The following SLCO1C1 variants were observed in gnomAD, a reference collection of about 807,000 sequenced individuals.
SLCO1C1 encodes the protein OAT-RP-5.
Under a neutral mutation model 76.4 loss-of-function variants are expected in SLCO1C1, and 70 were observed. The ratio of observed to expected loss-of-function variants is 0.92; its 90% CI spans 0.76 to 1.12. The LOEUF is 1.12. Ranked by LOEUF, SLCO1C1 falls within the 50% of genes most tolerant of loss-of-function variation. The pLI is 0.00. For missense variants in SLCO1C1, 912 were observed against 823.8 expected, an observed-to-expected ratio of 1.11 and a Z score of -1.31; for synonymous variants, 306 against 286.1, an observed-to-expected ratio of 1.07 and a Z score of -0.70.
intron 13 of SLCO1C1, among the ~76,000 whole-genome samples, chr12:20,747,163 G>A (rs1949083587): frequency 6.6e-6 from 1 of 152,172 alleles, no homozygotes. Flanking sequence ...ATTTGCTCAT[G>A]CCTATAATCC....
chr12:20,722,091 T>C (rs1159642946), intron 8 of SLCO1C1, 42 bp downstream of exon 8: 1 of 1,588,492 alleles, frequency 6.3e-7, no homozygotes, highest in African/African-American at 1.4e-5. Context: ...CATTTTTCTG[T>C]TGGGGCTTAA....
intron 11 of SLCO1C1, among the ~76,000 whole-genome samples, chr12:20,739,180 CTA>C (rs1204808139): frequency 1.3e-5 from 2 of 152,142 alleles, no homozygotes; most frequent in Non-Finnish European, 2.9e-5. Flanking sequence ...ATTTACTTAA[CTA>C]AGTTTTATCA....
At chr12:20,726,612 G>A (rs940475360) in intron 9 of SLCO1C1, among the ~76,000 whole-genome samples, 2 of 151,974 alleles carry the variant, frequency 1.3e-5, no homozygotes, top group Admixed American at 6.6e-5. Context: ...TAAAGTTTGT[G>A]GAATTTTAAA....
intron 6 of SLCO1C1, among the ~76,000 whole-genome samples, chr12:20,716,865 T>C (rs1947383444): frequency 6.6e-6 from 1 of 152,224 alleles, no homozygotes; most frequent in Admixed American, 6.5e-5. Context: ...GTTTTTTCCA[T>C]TTTGGAAAAT....
chr12:20,737,125 T>C lies in SLCO1C1; in HGVS notation c.1401T>C (p.Tyr467=). The C allele has an allele frequency of 6.5e-7, 1 of 1,534,130 alleles. No individual in the cohort carries two copies. The highest frequency in any genetic ancestry group is 8.7e-7 in the Non-Finnish European group (1 of 1,149,074). The part of the protein sequence containing the change: ...VSYQGTKPVS[Y]HERALFSDCN... ...TTTTCAGAACCAAACCTGTCTCTTA[T>C]CATGAACGAGCTCTCTTTTCAGATT... The change falls in exon 11 of 15, where the codon TAT becomes TAC. Residue 467 remains tyrosine, a synonymous_variant. Transcript: ENST00000266509.
At chr12:20,727,804 C>T (rs1368305039) in intron 9 of SLCO1C1, among the ~76,000 whole-genome samples, 1 of 152,162 alleles carries the variant, frequency 6.6e-6, no homozygotes, top group Non-Finnish European at 1.5e-5. Flanking sequence ...CCACTGCGCC[C>T]GGCCACGTGT....
intron 14 of SLCO1C1, among the ~76,000 whole-genome samples, chr12:20,751,121 G>A (rs1031797169): frequency 2.0e-5 from 3 of 151,986 alleles, no homozygotes; most frequent in Admixed American, 2.0e-4. Context: ...TTTAAATTTA[G>A]GTCACATTTT....
At chr12:20,749,127 T>C (rs1006674476) in intron 13 of SLCO1C1, among the ~76,000 whole-genome samples, 2 of 152,228 alleles carry the variant, frequency 1.3e-5, no homozygotes, top group African/African-American at 2.4e-5. Flanking sequence ...AATATTTTCA[T>C]TTGTTTTCAA....
chr12:20,727,114 T>C (rs1363992200), intron 9 of SLCO1C1, among the ~76,000 whole-genome samples: 4 of 152,188 alleles, frequency 2.6e-5, no homozygotes, highest in Non-Finnish European at 4.4e-5. Context: ...TGTTGATGGG[T>C]GACTGATTCC....
intron 6 of SLCO1C1, among the ~76,000 whole-genome samples, chr12:20,715,980 C>T (rs1947343852): frequency 6.6e-6 from 1 of 152,144 alleles, no homozygotes; most frequent in Non-Finnish European, 1.5e-5. Context: ...GTCAGTCTCT[C>T]CTTTTTTAAC....
chr12:20,742,057 A>G (rs1002065320), intron 12 of SLCO1C1, among the ~76,000 whole-genome samples: 1 of 152,356 alleles, frequency 6.6e-6, no homozygotes, highest in Admixed American at 6.5e-5. Context: ...CAAACCTGCT[A>G]TTCTCAAAAC....
At chr12:20,749,021 A>C (rs1949173684) in intron 13 of SLCO1C1, among the ~76,000 whole-genome samples, 1 of 152,194 alleles carries the variant, frequency 6.6e-6, no homozygotes, top group South Asian at 2.1e-4. Flanking sequence ...TCTTTCACCC[A>C]AAATTTTAGC....
chr12:20,717,365 T>A (rs1179542856), intron 7 of SLCO1C1, 135 bp downstream of exon 7: 3 of 591,098 alleles, frequency 5.1e-6, no homozygotes, highest in Non-Finnish European at 8.4e-6. Flanking sequence ...AAAAATTTTA[T>A]TATTAATATA....
intron 5 of SLCO1C1, among the ~76,000 whole-genome samples, chr12:20,712,147 A>G (rs1947140525): frequency 6.6e-6 from 1 of 152,180 alleles, no homozygotes; most frequent in South Asian, 2.1e-4. Context: ...TCTCCAGTAC[A>G]GAAGTGGCCA....
intron 11 of SLCO1C1, among the ~76,000 whole-genome samples, chr12:20,737,592 C>A (rs558907964): frequency 6.6e-6 from 1 of 152,222 alleles, no homozygotes; most frequent in African/African-American, 2.4e-5. Context: ...ATAAGATATG[C>A]TTTCAGATCC....
intron 4 of SLCO1C1, among the ~76,000 whole-genome samples, chr12:20,707,841 A>G (rs1465331117): frequency 6.6e-6 from 1 of 152,208 alleles, no homozygotes; most frequent in Non-Finnish European, 1.5e-5. Flanking sequence ...AATGTATTAA[A>G]AAGAAGGTCG....
At chr12:20,739,247 A>T (rs1948688164) in intron 11 of SLCO1C1, among the ~76,000 whole-genome samples, 1 of 152,188 alleles carries the variant, frequency 6.6e-6, no homozygotes, top group African/African-American at 2.4e-5. Context: ...ACAAAGCAGC[A>T]GTTTCTGCTT....
intron 7 of SLCO1C1, among the ~76,000 whole-genome samples, chr12:20,720,111 T>A (rs1006893077): frequency 1.3e-5 from 2 of 152,204 alleles, no homozygotes; most frequent in Non-Finnish European, 2.9e-5. Flanking sequence ...ACTAGAACAA[T>A]AGAGATATGC....
At chr12:20,705,903 C>A (rs757551720) in intron 3 of SLCO1C1, 46 bp from the exon 4 acceptor site, 1 of 1,595,504 alleles carries the variant, frequency 6.3e-7, no homozygotes, top group South Asian at 1.1e-5. Context: ...CTGTTGACTT[C>A]TTTCTAAGTT....
Sources: allele counts gnomAD v4.1 joint callset (sites outside exome capture counted in the v4.1 genomes callset), GRCh38; gene constraint gnomAD v4.1.1; transcripts MANE v1.5; gene names NCBI Gene and HGNC (gene_info 2026-07-23, HGNC 2026-07-21).